ZP4: variants seen among roughly 807,000 people sequenced by gnomAD.
ZP4 encodes zona pellucida glycoprotein 4.
In ZP4, 62 loss-of-function variants were observed where a neutral mutation model predicts 62.3. That is an observed-to-expected ratio of 0.99 (90% CI 0.81 to 1.23). ZP4 has a LOEUF of 1.23. Ranked by LOEUF, ZP4 falls within the 50% of genes most tolerant of loss-of-function variation. The pLI, the probability that ZP4 is intolerant of heterozygous loss-of-function variation, is 0.00. For missense variants in ZP4, 774 were observed against 656.0 expected (o/e 1.18, Z -1.97); for synonymous variants, 289 against 247.3 (o/e 1.17, Z -1.58).
intron 10 of ZP4, among the ~76,000 whole-genome samples, chr1:237,883,966 AAACACACACACACACAAACACACACAC>A (rs1665009528): frequency 1.3e-5 from 1 of 75,678 alleles, no homozygotes; most frequent in South Asian, 6.8e-4. Context: ...TCACACACAC[AAACACACACACACACAAACACACACAC>A]ACACACACAC....
chr1:237,887,358 A>G lies in ZP4; in HGVS notation c.741+16T>C. Reference sequence around the variant, plus strand: ...CACCCAACTTCCAGAGCCAGGAACAAAGCCCAACTGCTCACCTGTCTTGTG... The same window carrying G: ...CACCCAACTTCCAGAGCCAGGAACAGAGCCCAACTGCTCACCTGTCTTGTG... On this transcript the variant is annotated intron_variant, in intron 5 of 11. Transcript: ENST00000366570. The G allele has an allele frequency of 4.3e-6, 7 of 1,611,560 alleles. No individual in the cohort carries two copies. Among genetic ancestry groups the G allele is most frequent in the Non-Finnish European group, 5.9e-6 (7 of 1,178,544 alleles).
In ZP4 at chr1:237,885,454, T is replaced by G; in HGVS notation, c.1097A>C (p.Gln366Pro). 6.2e-7 allele frequency: 1 copy of G among 1,614,072 alleles called. No homozygotes were observed. Among genetic ancestry groups the G allele is most frequent in the Non-Finnish European group, 8.5e-7 (1 of 1,180,000 alleles). The change falls in exon 8 of 12, where the codon CAG becomes CCG. Residue 366 changes from glutamine to proline, a missense_variant. Gln to Pro is a moderately conservative substitution (Grantham distance 76). Transcript: ENST00000366570. The part of the protein sequence containing the change: ...TDPYLGLLLQ[Q>P]CWATPSTDPL... Reference sequence around the variant, plus strand: ...GTCAGTGCTGGGTGTTGCCCAACACTGTTGTAGGAGCAGCCCCAGGTAGGG... The same window carrying G: ...GTCAGTGCTGGGTGTTGCCCAACACGGTTGTAGGAGCAGCCCCAGGTAGGG...
intron 6 of ZP4, 125 bp from the exon 7 acceptor site, chr1:237,886,011 C>G: frequency 7.5e-7 from 1 of 1,335,598 alleles, no homozygotes; most frequent in Admixed American, 2.2e-5. Flanking sequence ...GGATGTGGTT[C>G]CTGCCCTGCT....
In ZP4 at chr1:237,885,173, T is replaced by C. The variant is rs1007674719; in HGVS notation, c.1303A>G (p.Arg435Gly). The C allele has an allele frequency of 1.9e-6, 3 of 1,613,546 alleles. No individual in the cohort carries two copies. Among genetic ancestry groups the C allele is most frequent in the Admixed American group, 3.3e-5 (2 of 59,966 alleles). Reference sequence around the variant, plus strand: ...GGAAGGGAACATCCTACCGGTCCCCTGAGGGCCTGTTTCTCCACTGTAGGG... The same window carrying C: ...GGAAGGGAACATCCTACCGGTCCCCCGAGGGCCTGTTTCTCCACTGTAGGG... ...VNPTVEKQAL[R>G]GPVHLHCSVS... Residue 435 changes from arginine (R) to glycine (G), a missense_variant, in exon 9 of 12, where the codon AGG becomes GGG. Arg to Gly is a moderately radical substitution (Grantham distance 125, BLOSUM62 -2). Coordinates refer to ENST00000366570, the MANE Select transcript of ZP4 (RefSeq NM_021186.5).
intron 3 of ZP4, among the ~76,000 whole-genome samples, chr1:237,889,315 A>ATT (rs11348205): frequency 0.014 from 1,797 of 125,716 alleles, 19 homozygotes; most frequent in African/African-American, 0.027. Flanking sequence ...GATAGGTTGT[A>ATT]TTTTTTTTTT....
rs1284900110 is a variant in ZP4, at chr1:237,885,304, A to G, written c.1172T>C (p.Ile391Thr). The change falls in exon 9 of 12, where the codon ATT becomes ACT. Residue 391 changes from isoleucine (I) to threonine (T), a missense_variant. Physicochemically the swap from Ile to Thr is moderately conservative, Grantham distance 89. Transcript: ENST00000366570. Reference sequence around the variant, plus strand: ...CAGCTGGGTCTGATAGTTGTCTCCAATGTAGGGGCAGCTAGACCAAGAGAC... The same window carrying G: ...CAGCTGGGTCTGATAGTTGTCTCCAGTGTAGGGGCAGCTAGACCAAGAGAC... ...WPILVKGCPY[I>T]GDNYQTQLIP... 3.7e-6 allele frequency: 6 copies of G among 1,614,048 alleles called. No homozygotes were observed. The highest frequency in any genetic ancestry group is 3.3e-4 in the Middle Eastern group (2 of 6,060).
intron 4 of ZP4, 141 bp downstream of exon 4, chr1:237,888,217 G>A (rs1665152228): frequency 2.7e-6 from 2 of 744,162 alleles, no homozygotes; most frequent in African/African-American, 1.8e-5. Context: ...CTGTTACATT[G>A]GGATCAAGTG....
Position 237,885,712 on chromosome 1 carries a change from G to A in ZP4, c.970+44C>T, listed in dbSNP as rs769102616. On this transcript the variant is annotated intron_variant, in intron 7 of 11. Coordinates refer to ENST00000366570, the MANE Select transcript of ZP4 (RefSeq NM_021186.5). ...TAGGGTCTTCATGCCCCAGAAGACT[G>A]GATTTAGACTATAGGCCAGATACTC... 5.0e-6 allele frequency: 8 copies of A among 1,609,372 alleles called. No individual in the cohort carries two copies. The East Asian group carries it at 6.7e-5, about 13-fold the overall frequency.
At position 237,890,558 on chromosome 1, in the gene ZP4, T is replaced by C. The variant is rs750438435; in HGVS notation, c.78A>G (p.Pro26=). The C allele has an allele frequency of 1.2e-6, 2 of 1,613,998 alleles. No homozygotes were observed. The highest frequency in any genetic ancestry group is 1.7e-6 in the Non-Finnish European group (2 of 1,180,036). The change falls in exon 1 of 12, where the codon CCA becomes CCG. Residue 26 remains proline (P), a synonymous_variant. Coordinates refer to ENST00000366570, the MANE Select transcript of ZP4 (RefSeq NM_021186.5). ...AVSGQHKPEA[P]DYSSVLHCGP... is the part of the protein sequence containing the mutation. ...CACAGTGGAGCACACTGGAATAATC[T>C]GGTGCCTCAGGCTTATGCTGGCCAC... is the stretch of plus-strand genomic sequence containing the variant.
chr1:237,885,975 G>C, intron 6 of ZP4, 89 bp from the exon 7 acceptor site: 2 of 1,553,900 alleles, frequency 1.3e-6, no homozygotes, highest in Non-Finnish European at 1.7e-6. Context: ...AAAGCATTAA[G>C]TGCTAGACAA....
chr1:237,883,997 C>CACACACACAA (rs1665018758), intron 10 of ZP4, among the ~76,000 whole-genome samples: 18 of 98,906 alleles, frequency 1.8e-4, no homozygotes, highest in African/African-American at 8.7e-4. Context: ...CACACACACA[C>CACACACACAA]ACACACACAC....
chr1:237,890,106 G>A lies in ZP4; in HGVS notation c.246C>T (p.Gly82=), dbSNP rs754289369. ...DCGTWIRKGP[G]SSVVLEATYS... is the part of the protein sequence containing the mutation. ...AGGTTGCCTCCAACACCACGGAGCT[G>A]CCTGGACCTTTTCTTATCCAGGTGC... The change falls in exon 2 of 12, where the codon GGC becomes GGT. Residue 82 remains glycine (G), a synonymous_variant. Coordinates refer to ENST00000366570, the MANE Select transcript of ZP4 (RefSeq NM_021186.5). 1 of 1,614,140 alleles carries A rather than the reference G, an allele frequency of 6.2e-7. No individual in the cohort carries two copies. Among genetic ancestry groups the A allele is most frequent in the Non-Finnish European group, 8.5e-7 (1 of 1,180,022 alleles).
intron 3 of ZP4, among the ~76,000 whole-genome samples, chr1:237,889,488 G>A (rs185303230): frequency 3.3e-5 from 5 of 151,822 alleles, no homozygotes; most frequent in East Asian, 1.9e-4. Flanking sequence ...CCGGCTGATT[G>A]TGTGTTTTTA....
At chr1:237,884,012 ACAC>A (rs1665025410) in intron 10 of ZP4, among the ~76,000 whole-genome samples, 2 of 79,546 alleles carry the variant, frequency 2.5e-5, no homozygotes, top group Non-Finnish European at 2.5e-5. Flanking sequence ...ACACACACAC[ACAC>A]AAACACACAC....
In ZP4 at chr1:237,884,008, ACACACACAAACACAC is replaced by A. The variant is rs1558530965; in HGVS notation, c.1390+746_1390+760del. On this transcript the variant is annotated intron_variant, in intron 10 of 11. Transcript: ENST00000366570. ...AACACACACACACACACACACACAC[ACACACACAAACACAC>A]ACACACACAAACACACACAAACACA... Among the ~76,000 whole-genome samples, 149 of 78,972 alleles carry A rather than the reference ACACACACAAACACAC, an allele frequency of 1.9e-3. 1 individual carries two copies. Among genetic ancestry groups the A allele is most frequent in the South Asian group, 6.1e-3 (12 of 1,980 alleles). 51.8% of individuals were successfully genotyped at this position (78,972 alleles called of 152,430 possible). A position where few individuals can be genotyped will look rare whatever the true frequency, so the allele number is the denominator to read the frequency against.
chr1:237,882,508 A>G lies in ZP4; in HGVS notation c.1537T>C (p.Ser513Pro). 6.2e-7 allele frequency: 1 copy of G among 1,608,032 alleles called. No individual in the cohort carries two copies. Among genetic ancestry groups the G allele is most frequent in the Non-Finnish European group, 8.5e-7 (1 of 1,178,438 alleles). ...DSKVLWVAGL[S>P]GTLILGALLV... ...AAGGCTCCAAGGATTAAGGTCCCAG[A>G]AAGGCCTGCCACCCACAGAACTTTC... The change falls in exon 12 of 12, where the codon TCT (serine) becomes CCT (proline). Residue 513 changes from serine (S) to proline (P), a missense_variant. By Grantham distance (74) the Ser-to-Pro change is moderately conservative (BLOSUM62 -1). Coordinates refer to ENST00000366570, the MANE Select transcript of ZP4 (RefSeq NM_021186.5).
intron 10 of ZP4, among the ~76,000 whole-genome samples, chr1:237,883,967 A>AAACACAC (rs1558530648): frequency 1.2e-5 from 1 of 86,528 alleles, no homozygotes; most frequent in Admixed American, 1.2e-4. Context: ...CACACACACA[A>AAACACAC]ACACACACAC....
At chr1:237,883,996 ACACACACACACACACACACAAACAC>A (rs1558530843) in intron 10 of ZP4, among the ~76,000 whole-genome samples, 19 of 71,412 alleles carry the variant, frequency 2.7e-4, no homozygotes, top group African/African-American at 1.0e-3. Flanking sequence ...ACACACACAC[ACACACACACACACACACACAAACAC>A]ACACACACAC....
chr1:237,889,686 CA>C (rs1158193056), intron 3 of ZP4, among the ~76,000 whole-genome samples, 180 bp downstream of exon 3: 1 of 152,132 alleles, frequency 6.6e-6, no homozygotes, highest in Non-Finnish European at 1.5e-5. Context: ...AGTGCCTTGG[CA>C]TTGAGGAGTC....
Sources: gnomAD v4.1 joint callset for allele counts (sites outside exome capture counted in the v4.1 genomes callset) on GRCh38, gnomAD v4.1.1 for gene constraint, MANE v1.5 for transcripts, NCBI Gene and HGNC (gene_info 2026-07-23, HGNC 2026-07-21) for gene names.